The following FAT1 variants were observed in gnomAD, a reference collection of about 807,000 sequenced individuals.
FAT1 encodes the protein FAT atypical cadherin 1.
In FAT1, 171 loss-of-function variants were observed where a neutral mutation model predicts 329.8. The observed-to-expected ratio is 0.52, with a 90% CI of 0.46 to 0.59. The LOEUF is 0.59. Among genes scored for constraint, FAT1 ranks in the 20% least tolerant of loss-of-function variants. The pLI is 0.00. For missense variants in FAT1, 5,672 were observed against 5,774.4 expected, an observed-to-expected ratio of 0.98 and a Z score of 0.57; for synonymous variants, 2,233 against 2,228.6, an observed-to-expected ratio of 1.00 and a Z score of -0.06.
rs1007149555 is a variant in FAT1, at chr4:186,596,254, ACT to A, written c.13000+284_13000+285del. On this transcript the variant is annotated intron_variant, in intron 25 of 26. Transcript: ENST00000441802. The surrounding 1 kb of genome is among the most constrained non-coding windows in gnomAD (Gnocchi z 4.7). ...GATTATTTTTTTGACATATTAATAA[ACT>A]CAAAAAATTATAGATGAGAACCTTT... Among the ~76,000 whole-genome samples, 2 of 152,180 alleles carry A rather than the reference ACT, an allele frequency of 1.3e-5. No individual in the cohort carries two copies. Among genetic ancestry groups the A allele is most frequent in the Non-Finnish European group, 2.9e-5 (2 of 68,040 alleles).
Position 186,609,787 on chromosome 4 carries a change from G to GA in FAT1, c.10068+13dup. ...GATACACAGTTTTCACTGTAATGGG[G>GA]AAAAAATACACACCGTGATGACAGA... On this transcript the variant is annotated intron_variant, in intron 15 of 26. Coordinates refer to ENST00000441802, the MANE Select transcript of FAT1 (RefSeq NM_005245.4). 6.3e-7 allele frequency: 1 copy of GA among 1,586,562 alleles called. No homozygotes were observed. The highest frequency in any genetic ancestry group is 8.7e-7 in the Non-Finnish European group (1 of 1,155,104).
At chr4:186,599,085 C>T (rs1738668313) in intron 22 of FAT1, among the ~76,000 whole-genome samples, 1 of 152,308 alleles carries the variant, frequency 6.6e-6, no homozygotes, top group Admixed American at 6.5e-5. Flanking sequence ...CTCTCTCAGC[C>T]TCATCCCTAA....
At chr4:186,612,848 T>C (rs1327227138) in intron 13 of FAT1, among the ~76,000 whole-genome samples, 3 of 152,214 alleles carry the variant, frequency 2.0e-5, no homozygotes, top group African/African-American at 4.8e-5. Flanking sequence ...ATTAATTCAA[T>C]GGGATGTGAA....
rs758197034 is a variant in FAT1 at position 186,707,155 on chromosome 4, G to T, written c.2673C>A (p.His891Gln). 2.5e-6 allele frequency: 4 copies of T among 1,613,960 alleles called. No individual in the cohort carries two copies. In the African/African-American group the frequency reaches 5.3e-5, roughly 21 times the overall value. ...RPLDRELQHEHSLKIEARDQA... is the reference protein window; with the variant it reads ...RPLDRELQHEQSLKIEARDQA... The stretch of plus-strand genomic sequence containing the variant: ...GGTCCCTGGCCTCAATCTTTAAGGA[G>T]TGCTCATGCTGCAGCTCTCGATCCA... The change falls in exon 2 of 27, where the codon CAC (histidine) becomes CAA (glutamine). Residue 891 changes from histidine (H) to glutamine (Q), a missense_variant. By Grantham distance (24) the His-to-Gln change is conservative. This residue lies in a region of FAT1 where 3,966 missense variants were observed against 3,915.2 expected (regional missense o/e 1.01). Transcript: ENST00000441802.
At chr4:186,716,912 T>A (rs764671970) in intron 1 of FAT1, among the ~76,000 whole-genome samples, 17 of 152,094 alleles carry the variant, frequency 1.1e-4, no homozygotes, top group Middle Eastern at 3.4e-3. Context: ...GCCTCCTGAG[T>A]AGCTAGGAAT....
intron 3 of FAT1, among the ~76,000 whole-genome samples, chr4:186,642,770 C>A (rs1449918590): frequency 1.3e-5 from 2 of 152,142 alleles, no homozygotes; most frequent in African/African-American, 4.8e-5. Context: ...TCAGACCACA[C>A]CCACAGAAGT....
intron 7 of FAT1, among the ~76,000 whole-genome samples, chr4:186,629,014 T>G (rs532939312): frequency 6.6e-6 from 1 of 152,244 alleles, no homozygotes; most frequent in Non-Finnish European, 1.5e-5. Context: ...AAAATATGTA[T>G]TGATTTTCAC....
At chr4:186,657,966 C>T (rs1258857358) in intron 3 of FAT1, among the ~76,000 whole-genome samples, 4 of 152,156 alleles carry the variant, frequency 2.6e-5, no homozygotes, top group Non-Finnish European at 5.9e-5. Flanking sequence ...CTTCTCTGTC[C>T]TTGACACACC....
Position 186,600,187 on chromosome 4 carries a change from T to C in FAT1, c.11814A>G (p.Pro3938=). 1 of 1,614,090 alleles carries C rather than the reference T, an allele frequency of 6.2e-7. No homozygotes were observed. Among genetic ancestry groups the C allele is most frequent in the Non-Finnish European group, 8.5e-7 (1 of 1,179,906 alleles). Reference sequence around the variant, plus strand: ...CCAGGTTCAGGGTTTTCAGAGTCCCTGGGGCTGTGCCCGATGCAGTATGAA... The same window carrying C: ...CCAGGTTCAGGGTTTTCAGAGTCCCCGGGGCTGTGCCCGATGCAGTATGAA... The part of the protein sequence containing the change: ...DQVHTASGTA[P]GTLKTLNLDN... Residue 3938 remains proline (P), a synonymous_variant, in exon 22 of 27, where the codon CCA becomes CCG. Coordinates refer to ENST00000441802, the MANE Select transcript of FAT1 (RefSeq NM_005245.4).
intron 20 of FAT1, among the ~76,000 whole-genome samples, chr4:186,602,219 G>A (rs1209443664): frequency 6.6e-6 from 1 of 152,192 alleles, no homozygotes; most frequent in Non-Finnish European, 1.5e-5. Flanking sequence ...CAAAAGAATG[G>A]AGAGTGAAAC....
upstream of FAT1, among the ~76,000 whole-genome samples, chr4:186,726,089 A>T (rs78956283): frequency 2.8e-3 from 433 of 152,376 alleles, 2 homozygotes; most frequent in African/African-American, 9.7e-3. Context: ...AATAAGTTAC[A>T]TTCAAAATAA....
chr4:186,636,736 A>T lies in FAT1; in HGVS notation c.3821T>A (p.Val1274Asp), dbSNP rs1188896795. Residue 1274 changes from valine (V) to aspartate (D), a missense_variant, in exon 5 of 27, where the codon GTC (valine) becomes GAC (aspartate). Around this residue, in one of 2 missense-constraint regions of FAT1, gnomAD observed 3,966 missense variants for 3,915.2 expected, o/e 1.01. Transcript: ENST00000441802. ...RNARREPLYH[V>D]IATDKDEGPN... Reference sequence around the variant, plus strand: ...GCCCTCATCCTTGTCGGTGGCTATGACGTGATAGAGCGGCTCCCGTCTGGC... The same window carrying T: ...GCCCTCATCCTTGTCGGTGGCTATGTCGTGATAGAGCGGCTCCCGTCTGGC... The T allele has an allele frequency of 3.7e-6, 6 of 1,613,374 alleles. No individual in the cohort carries two copies. The highest frequency in any genetic ancestry group is 5.1e-6 in the Non-Finnish European group (6 of 1,179,714).
At chr4:186,611,356 G>A (rs2126465961) in intron 14 of FAT1, 30 bp downstream of exon 14, 6 of 1,561,994 alleles carry the variant, frequency 3.8e-6, no homozygotes, top group Non-Finnish European at 5.2e-6. Context: ...GTGGAATGAA[G>A]GGTTTCCTCT....
At chr4:186,668,726 T>G (rs373752635) in intron 2 of FAT1, among the ~76,000 whole-genome samples, 3 of 152,212 alleles carry the variant, frequency 2.0e-5, no homozygotes, top group African/African-American at 7.2e-5. Flanking sequence ...GATTACAGAT[T>G]GATTTCTTCT....
At position 186,602,288 on chromosome 4, in the gene FAT1, T is replaced by C. The variant is rs1738850236; in HGVS notation, c.11482+615A>G. On this transcript the variant is annotated intron_variant, in intron 20 of 26. Coordinates refer to ENST00000441802, the MANE Select transcript of FAT1 (RefSeq NM_005245.4). ...ACGACTTTTTGGAAAACTAATATAG[T>C]GATACAAAAAAATTTAAAATGTCAT... 2.0e-5 allele frequency among the ~76,000 whole-genome samples: 3 copies of C among 152,074 alleles called. No homozygotes were observed. In the South Asian group the frequency reaches 6.2e-4, roughly 32 times the overall value.
intron 24 of FAT1, among the ~76,000 whole-genome samples, 172 bp downstream of exon 24, chr4:186,597,510 C>T (rs1560919196): frequency 6.6e-6 from 1 of 151,800 alleles, no homozygotes. Context: ...TATTCATCTG[C>T]TTGATAATTC....
intron 2 of FAT1, among the ~76,000 whole-genome samples, chr4:186,679,521 T>G (rs1480407911): frequency 6.6e-6 from 1 of 152,122 alleles, no homozygotes; most frequent in Non-Finnish European, 1.5e-5. Flanking sequence ...GAGTTTGTTT[T>G]CTATCCATAA....
At chr4:186,655,315 G>T (rs1256953769) in intron 3 of FAT1, among the ~76,000 whole-genome samples, 1 of 152,124 alleles carries the variant, frequency 6.6e-6, no homozygotes. Context: ...AATGAGAAGA[G>T]GTAAAAAGTA....
Position 186,617,787 on chromosome 4 carries a change from T to A in FAT1, c.8799A>T (p.Gln2933His). Residue 2933 changes from glutamine (Q) to histidine (H), a missense_variant, in exon 10 of 27, where the codon CAA (glutamine) becomes CAT (histidine). Physicochemically the swap from Gln to His is conservative, Grantham distance 24. Around this residue, in one of 2 missense-constraint regions of FAT1, gnomAD observed 3,966 missense variants for 3,915.2 expected, o/e 1.01. Coordinates refer to ENST00000441802, the MANE Select transcript of FAT1 (RefSeq NM_005245.4). ...TACTTAAGATGGCAATCACCCCACC[T>A]TGGGGGTCATCCTCACTCACAGTCC... ...YKGTVSEDDP[Q>H]GGVIAILSTT... The A allele has an allele frequency of 6.2e-7, 1 of 1,612,308 alleles. No individual in the cohort carries two copies. Among genetic ancestry groups the A allele is most frequent in the Non-Finnish European group, 8.5e-7 (1 of 1,178,576 alleles).
Sources: allele counts gnomAD v4.1 joint callset (sites outside exome capture counted in the v4.1 genomes callset), GRCh38; gene constraint gnomAD v4.1.1; regional missense constraint gnomAD v4.1.1; non-coding constraint Gnocchi (gnomAD v3.1); transcripts MANE v1.5; gene names NCBI Gene and HGNC (gene_info 2026-07-23, HGNC 2026-07-21).